Variants in PTPRD observed in about 807,000 individuals in gnomAD.
PTPRD encodes the protein protein tyrosine phosphatase receptor type D, also known as receptor-type tyrosine-protein phosphatase delta.
PTPRD carries 34 observed loss-of-function variants against 214.5 expected under a neutral mutation model. The observed-to-expected ratio is 0.16, with a 90% CI of 0.12 to 0.21. The LOEUF (loss-of-function observed/expected upper bound fraction) is 0.21. Among genes scored for constraint, PTPRD ranks in the 10% least tolerant of loss-of-function variants. The pLI is 1.00. For missense variants in PTPRD, 2,545 were observed against 2,398.7 expected (o/e 1.06, Z -1.27); for synonymous variants, 1,128 against 845.7 (o/e 1.33, Z -5.79).
chr9:10,223,726 T>G (rs2099579647), intron 3 of PTPRD, among the ~76,000 whole-genome samples: 1 of 147,846 alleles, frequency 6.8e-6, no homozygotes, highest in Non-Finnish European at 1.5e-5. Context: ...GTAGAGTAGT[T>G]AAACCACTGT....
chr9:9,453,265 T>C (rs910023259), intron 8 of PTPRD, among the ~76,000 whole-genome samples: 1 of 151,652 alleles, frequency 6.6e-6, no homozygotes, highest in Non-Finnish European at 1.5e-5. Context: ...CTTAACCTCA[T>C]TTTATAATCA....
At chr9:10,106,013 CAAAAAAAAAAAA>C (rs35421883) in intron 3 of PTPRD, among the ~76,000 whole-genome samples, 6 of 56,670 alleles carry the variant, frequency 1.1e-4, no homozygotes, top group Admixed American at 2.1e-4. Flanking sequence ...ATCACATATT[CAAAAAAAAAAAA>C]AAAAAAAAAA....
At chr9:9,115,722 C>T (rs975313706) in intron 10 of PTPRD, among the ~76,000 whole-genome samples, 15 of 152,042 alleles carry the variant, frequency 9.9e-5, no homozygotes, top group Non-Finnish European at 2.1e-4. Flanking sequence ...ACACAGAATC[C>T]AATCTAATGC....
At position 10,345,727 on chromosome 9, in the gene PTPRD, G is replaced by A. The variant is rs188373247; in HGVS notation, c.-599-4710C>T. ...GTGAACAGTGTTGCAAAACACATAC[G>A]TGTGCATATGTCTTTATAGTAGAAT... On this transcript the variant is annotated intron_variant, in intron 2 of 45. Transcript: ENST00000381196. 1.9e-4 allele frequency among the ~76,000 whole-genome samples: 29 copies of A among 152,270 alleles called. 1 individual carries two copies. The East Asian group carries it at 4.8e-3, about 25-fold the overall frequency.
intron 12 of PTPRD, among the ~76,000 whole-genome samples, chr9:8,678,352 C>T (rs117623767): frequency 0.019 from 2,921 of 152,232 alleles, 37 homozygotes; most frequent in Middle Eastern, 0.058. Flanking sequence ...TTAACATCTA[C>T]CACATCACAC....
intron 2 of PTPRD, among the ~76,000 whole-genome samples, chr9:10,598,232 T>C (rs902535479): frequency 8.6e-5 from 13 of 151,864 alleles, no homozygotes; most frequent in Non-Finnish European, 1.6e-4. Context: ...AACTTGAACA[T>C]ATTATATTCA....
chr9:9,714,352 A>C (rs2097782937), intron 7 of PTPRD, among the ~76,000 whole-genome samples: 1 of 152,196 alleles, frequency 6.6e-6, no homozygotes, highest in Non-Finnish European at 1.5e-5. Context: ...TGAAATCTGC[A>C]AGGATTGACT....
intron 7 of PTPRD, among the ~76,000 whole-genome samples, chr9:9,716,880 T>G (rs1461432817): frequency 6.6e-6 from 1 of 152,090 alleles, no homozygotes; most frequent in African/African-American, 2.4e-5. Context: ...CAATTTTGGC[T>G]TTTGTTGCCA....
intron 9 of PTPRD, among the ~76,000 whole-genome samples, chr9:9,238,987 A>G (rs1171059925): frequency 1.3e-5 from 2 of 152,142 alleles, no homozygotes; most frequent in African/African-American, 4.8e-5. Flanking sequence ...TTTCATCACC[A>G]GTCTAAAATC....
At chr9:8,563,445 T>A (rs2154213961) in intron 14 of PTPRD, among the ~76,000 whole-genome samples, 1 of 151,362 alleles carries the variant, frequency 6.6e-6, no homozygotes, top group South Asian at 2.1e-4. Flanking sequence ...ACTTTTTTTT[T>A]TTTTTTTTTT....
chr9:10,449,494 C>G (rs1454636601), intron 2 of PTPRD, among the ~76,000 whole-genome samples: 2 of 145,412 alleles, frequency 1.4e-5, no homozygotes, highest in East Asian at 2.0e-4. Flanking sequence ...CTCTGCCTGG[C>G]TGCCCATCGT....
chr9:9,142,458 T>A (rs1412089155), intron 10 of PTPRD, among the ~76,000 whole-genome samples: 1 of 152,226 alleles, frequency 6.6e-6, no homozygotes, highest in Non-Finnish European at 1.5e-5. Flanking sequence ...GTGGTTGCCA[T>A]CAGCAACTTC....
At chr9:9,825,770 A>G (rs2052595738) in intron 5 of PTPRD, among the ~76,000 whole-genome samples, 1 of 151,640 alleles carries the variant, frequency 6.6e-6, no homozygotes, top group Non-Finnish European at 1.5e-5. Context: ...TTCTTTCTTC[A>G]TGTATCTCCA....
At chr9:9,166,464 T>C (rs75826963) in intron 10 of PTPRD, among the ~76,000 whole-genome samples, 1 of 152,160 alleles carries the variant, frequency 6.6e-6, no homozygotes, top group African/African-American at 2.4e-5. Context: ...CTGACCTGTG[T>C]GCAAAGTTTA....
At chr9:10,017,050 CA>C (rs2096732970) in intron 4 of PTPRD, among the ~76,000 whole-genome samples, 1 of 152,138 alleles carries the variant, frequency 6.6e-6, no homozygotes, top group Non-Finnish European at 1.5e-5. Flanking sequence ...AAGAAAATAT[CA>C]AATTGTTTTC....
intron 5 of PTPRD, among the ~76,000 whole-genome samples, chr9:9,807,435 T>C (rs1419631919): frequency 1.3e-5 from 2 of 152,220 alleles, no homozygotes; most frequent in East Asian, 1.9e-4. Context: ...CAAGATGCGA[T>C]GTTGGCTAGG....
intron 11 of PTPRD, among the ~76,000 whole-genome samples, chr9:8,796,162 T>C (rs575161407): frequency 1.3e-5 from 2 of 152,316 alleles, no homozygotes; most frequent in East Asian, 3.9e-4. Flanking sequence ...TACATGTTTA[T>C]CTATATCTGC....
intron 11 of PTPRD, among the ~76,000 whole-genome samples, chr9:8,968,729 C>G (rs1365207425): frequency 2.6e-5 from 4 of 151,998 alleles, no homozygotes; most frequent in African/African-American, 9.7e-5. Context: ...TTCAGTATCC[C>G]TTGTCTTAAT....
chr9:8,476,335 G>A (rs2096764248), intron 30 of PTPRD, among the ~76,000 whole-genome samples: 1 of 152,168 alleles, frequency 6.6e-6, no homozygotes, highest in African/African-American at 2.4e-5. Flanking sequence ...TCTGACAGGA[G>A]GCGGAGCTCG....
Sources: allele counts gnomAD v4.1 joint callset (sites outside exome capture counted in the v4.1 genomes callset), GRCh38; gene constraint gnomAD v4.1.1; transcripts MANE v1.5; gene names NCBI Gene and HGNC (gene_info 2026-07-23, HGNC 2026-07-21).